Variants in SLC45A2 observed in about 807,000 individuals in gnomAD.
SLC45A2 encodes solute carrier family 45 member 2.
A neutral mutation model predicts 45.5 loss-of-function variants in SLC45A2; 36 were observed. The observed-to-expected ratio is 0.79, with a 90% confidence interval of 0.61 to 1.04. SLC45A2 has a LOEUF of 1.04. SLC45A2 is among the 50% of genes least tolerant of loss of function. The pLI is 0.00. For missense variants in SLC45A2, 719 were observed against 671.0 expected, an observed-to-expected ratio of 1.07 and a Z score of -0.79; for synonymous variants, 306 against 269.3, an observed-to-expected ratio of 1.14 and a Z score of -1.33.
chr5:33,962,658 G>A (rs1752485803), intron 3 of SLC45A2, among the ~76,000 whole-genome samples: 2 of 152,202 alleles, frequency 1.3e-5, no homozygotes, highest in African/African-American at 4.8e-5. Context: ...AACCCTTGTA[G>A]GTAGATGGAA....
At chr5:33,952,421 TA>T (rs1307429571) in intron 4 of SLC45A2, among the ~76,000 whole-genome samples, 1 of 151,678 alleles carries the variant, frequency 6.6e-6, no homozygotes, top group Admixed American at 6.6e-5. Flanking sequence ...ATGTGAGAGG[TA>T]TTACAAACAC....
At chr5:33,946,082 C>T (rs538622239) in intron 6 of SLC45A2, 1 of 985,420 alleles carries the variant, frequency 1.0e-6, no homozygotes, top group Admixed American at 6.1e-5. Context: ...CAGTGTAACA[C>T]AGCTTCCAAG....
chr5:33,947,488 G>T, intron 5 of SLC45A2, 114 bp from the exon 6 acceptor site: 1 of 1,011,126 alleles, frequency 9.9e-7, no homozygotes, highest in Non-Finnish European at 1.5e-6. Flanking sequence ...TTGATACTGA[G>T]CCAGGAACAA....
At chr5:33,953,901 G>C (rs1426058962) in intron 4 of SLC45A2, among the ~76,000 whole-genome samples, 1 of 117,530 alleles carries the variant, frequency 8.5e-6, no homozygotes, top group African/African-American at 3.3e-5. Flanking sequence ...AAAGGCAGGG[G>C]TTGCAATCCT....
intron 5 of SLC45A2, among the ~76,000 whole-genome samples, chr5:33,951,226 C>A (rs749294141): frequency 6.6e-6 from 1 of 152,194 alleles, no homozygotes; most frequent in Non-Finnish European, 1.5e-5. Flanking sequence ...TACCAATGAT[C>A]TTGCTCCAGT....
intron 2 of SLC45A2, among the ~76,000 whole-genome samples, chr5:33,976,948 C>T (rs964247313): frequency 3.1e-5 from 3 of 95,644 alleles, no homozygotes; most frequent in Admixed American, 2.7e-4. Flanking sequence ...TCAATTGTGT[C>T]CCTGTACTCC....
At chr5:33,969,065 CTGTG>C (rs66961145) in intron 2 of SLC45A2, among the ~76,000 whole-genome samples, 21 of 102,392 alleles carry the variant, frequency 2.1e-4, no homozygotes, top group African/African-American at 3.3e-4. Flanking sequence ...CTCTCTCTCT[CTGTG>C]TGTGTGTGTG....
chr5:33,966,586 G>A (rs1330192885), intron 2 of SLC45A2, among the ~76,000 whole-genome samples: 1 of 151,892 alleles, frequency 6.6e-6, no homozygotes, highest in Non-Finnish European at 1.5e-5. Context: ...GACTACAGGC[G>A]CCCGCCACCG....
At chr5:33,967,870 C>A (rs1752647940) in intron 2 of SLC45A2, among the ~76,000 whole-genome samples, 1 of 151,594 alleles carries the variant, frequency 6.6e-6, no homozygotes, top group Non-Finnish European at 1.5e-5. Context: ...CTTATATCTT[C>A]CCCATTGGTT....
At chr5:33,959,524 G>A (rs1178217818) in intron 3 of SLC45A2, among the ~76,000 whole-genome samples, 3 of 152,060 alleles carry the variant, frequency 2.0e-5, no homozygotes, top group African/African-American at 2.4e-5. Flanking sequence ...TTGTGTGATT[G>A]AGATAAAATG....
chr5:33,971,144 G>T lies in SLC45A2; in HGVS notation c.563-7128C>A, dbSNP rs555892230. 7.0e-5 allele frequency: 37 copies of T among 531,328 alleles called. No individual in the cohort carries two copies. The Admixed American group carries it at 7.2e-4, about 10-fold the overall frequency. 32.9% of individuals were successfully genotyped at this position (531,328 alleles called of 1,614,324 possible). ...GCTTCACAAAAGTAGCTGAAGCCAG[G>T]AACAAGAGTTGCTTTGGATAGGGCT... On this transcript the variant is annotated intron_variant, in intron 2 of 6. Coordinates refer to ENST00000296589, the MANE Select transcript of SLC45A2 (RefSeq NM_016180.5).
intron 2 of SLC45A2, among the ~76,000 whole-genome samples, chr5:33,977,417 A>G (rs1752960573): frequency 6.6e-6 from 1 of 152,212 alleles, no homozygotes; most frequent in South Asian, 2.1e-4. Context: ...CTTCATGTTC[A>G]TCTACTCAAT....
chr5:33,947,756 C>T (rs1329400778), intron 5 of SLC45A2, among the ~76,000 whole-genome samples: 13 of 152,118 alleles, frequency 8.5e-5, no homozygotes, highest in Admixed American at 7.2e-4. Context: ...CCCCATAGGA[C>T]GAAAATAATA....
At chr5:33,965,098 C>A (rs961101193) in intron 2 of SLC45A2, among the ~76,000 whole-genome samples, 1 of 152,164 alleles carries the variant, frequency 6.6e-6, no homozygotes, top group Non-Finnish European at 1.5e-5. Context: ...GCCTACCAAC[C>A]ACAACTTATC....
At chr5:33,970,313 T>TACAG (rs1270378724) in intron 2 of SLC45A2, among the ~76,000 whole-genome samples, 1 of 152,238 alleles carries the variant, frequency 6.6e-6, no homozygotes, top group African/African-American at 2.4e-5. Flanking sequence ...AGTCAGTCAG[T>TACAG]ACAGACTGGA....
intron 1 of SLC45A2, 26 bp downstream of exon 1, chr5:33,984,173 C>A (rs1484669580): frequency 6.2e-7 from 1 of 1,613,276 alleles, no homozygotes; most frequent in African/African-American, 1.3e-5. Flanking sequence ...ATATCCCTGT[C>A]TGCCCACCTT....
intron 2 of SLC45A2, among the ~76,000 whole-genome samples, chr5:33,973,618 G>T (rs944962567): frequency 6.6e-6 from 1 of 152,074 alleles, no homozygotes; most frequent in Non-Finnish European, 1.5e-5. Flanking sequence ...TTGCATGTTC[G>T]CATTTTTTGT....
chr5:33,947,866 C>T (rs1355116632), intron 5 of SLC45A2, among the ~76,000 whole-genome samples: 1 of 152,154 alleles, frequency 6.6e-6, no homozygotes, highest in Non-Finnish European at 1.5e-5. Flanking sequence ...ATTTCTTAGC[C>T]CCCATCTGAA....
chr5:33,984,693 T>C lies in SLC45A2; in HGVS notation c.-110A>G, dbSNP rs995456312. 77 of 1,457,922 alleles carry C rather than the reference T, an allele frequency of 5.3e-5. No individual in the cohort carries two copies. The African/African-American group carries it at 9.5e-4, about 18-fold the overall frequency. 90.3% of individuals were successfully genotyped at this position (1,457,922 alleles called of 1,614,324 possible). A position where few individuals can be genotyped will look rare whatever the true frequency, so the allele number is the denominator to read the frequency against. ...AGCCTGGCCGAGCAACCAACAGAGA[T>C]GGTCAGGCTGGGGGAGGGGCTCAAA... On this transcript the variant is annotated 5_prime_UTR_variant, in exon 1 of 7. Coordinates refer to ENST00000296589, the MANE Select transcript of SLC45A2 (RefSeq NM_016180.5).
Sources: gnomAD v4.1 joint callset for allele counts (sites outside exome capture counted in the v4.1 genomes callset) on GRCh38, gnomAD v4.1.1 for gene constraint, MANE v1.5 for transcripts, NCBI Gene and HGNC (gene_info 2026-07-23, HGNC 2026-07-21) for gene names.